SPON1: variants seen among roughly 807,000 people sequenced by gnomAD.
The protein encoded by SPON1 is spondin 1.
A neutral mutation model predicts 111.7 loss-of-function variants in SPON1; 52 were observed. The observed-to-expected ratio is 0.47, with a 90% CI of 0.37 to 0.59. SPON1 has a LOEUF of 0.59. Ranked by LOEUF, SPON1 falls within the 20% of genes least tolerant of loss-of-function variation. The pLI is 0.00. For missense variants in SPON1, 957 were observed against 1,068.5 expected (o/e 0.90, Z 1.46); for synonymous variants, 410 against 395.8 (o/e 1.04, Z -0.43).
At chr11:14,170,365 A>G (rs1431738296) in intron 6 of SPON1, among the ~76,000 whole-genome samples, 1 of 152,150 alleles carries the variant, frequency 6.6e-6, no homozygotes, top group African/African-American at 2.4e-5. Context: ...GACTTTGCTG[A>G]AGTTGCTTAT....
At chr11:14,043,651 A>T (rs1476102176) in intron 3 of SPON1, among the ~76,000 whole-genome samples, 1 of 152,172 alleles carries the variant, frequency 6.6e-6, no homozygotes, top group African/African-American at 2.4e-5. Context: ...TGAAAATGTC[A>T]GATCTATGTG....
At chr11:14,042,099 C>A (rs1445355872) in intron 3 of SPON1, among the ~76,000 whole-genome samples, 1 of 151,992 alleles carries the variant, frequency 6.6e-6, no homozygotes, top group Non-Finnish European at 1.5e-5. Flanking sequence ...TTCTTCTTTG[C>A]CCATCAAAAT....
chr11:14,110,934 G>T (rs1849222455), intron 5 of SPON1, among the ~76,000 whole-genome samples: 1 of 152,156 alleles, frequency 6.6e-6, no homozygotes, highest in Non-Finnish European at 1.5e-5. Flanking sequence ...ACTATGTTTT[G>T]TTCATGACTG....
intron 6 of SPON1, among the ~76,000 whole-genome samples, chr11:14,148,665 A>G (rs1847753070): frequency 6.6e-6 from 1 of 152,196 alleles, no homozygotes; most frequent in Non-Finnish European, 1.5e-5. Context: ...TCCAAATGCT[A>G]GTGGCAACAC....
chr11:14,047,972 G>GC (rs2133816908), intron 3 of SPON1, among the ~76,000 whole-genome samples: 1 of 152,324 alleles, frequency 6.6e-6, no homozygotes, highest in African/African-American at 2.4e-5. Context: ...AGGTGTGGTG[G>GC]CTCACGCCTG....
chr11:13,974,878 A>G (rs1848090265), intron 1 of SPON1, among the ~76,000 whole-genome samples: 1 of 152,104 alleles, frequency 6.6e-6, no homozygotes, highest in Admixed American at 6.6e-5. Context: ...GCCTTTTATC[A>G]CACCCTTCCT....
intron 6 of SPON1, among the ~76,000 whole-genome samples, chr11:14,172,250 C>T (rs1848112658): frequency 6.6e-6 from 1 of 151,868 alleles, no homozygotes; most frequent in Non-Finnish European, 1.5e-5. Context: ...TATGTAATGG[C>T]TTTCTTTGTC....
chr11:14,247,667 G>C (rs1208755333), intron 7 of SPON1, among the ~76,000 whole-genome samples: 3 of 152,122 alleles, frequency 2.0e-5, no homozygotes, highest in Non-Finnish European at 2.9e-5. Context: ...GTGGAGTAAG[G>C]GGGTGGAGAA....
At chr11:14,069,147 C>G (rs1554920620) in intron 3 of SPON1, among the ~76,000 whole-genome samples, 3 of 152,002 alleles carry the variant, frequency 2.0e-5, no homozygotes, top group Non-Finnish European at 2.9e-5. Context: ...TACTATGTCT[C>G]CCTCTAGTCA....
chr11:14,094,166 T>C (rs1465176330), intron 5 of SPON1, among the ~76,000 whole-genome samples: 6 of 151,050 alleles, frequency 4.0e-5, no homozygotes, highest in African/African-American at 1.5e-4. Flanking sequence ...GAGCCGAGAT[T>C]GTACCACTGC....
intron 2 of SPON1, among the ~76,000 whole-genome samples, chr11:14,030,504 C>G (rs1298317181): frequency 6.6e-6 from 1 of 152,108 alleles, no homozygotes; most frequent in Non-Finnish European, 1.5e-5. Flanking sequence ...CTTCTCAAGT[C>G]TGGAAAGCAC....
chr11:13,970,534 GT>G (rs1454605139), intron 1 of SPON1, among the ~76,000 whole-genome samples: 12 of 152,200 alleles, frequency 7.9e-5, no homozygotes, highest in Admixed American at 7.9e-4. Flanking sequence ...GGTGGGCACA[GT>G]CACAGCAGGA....
At chr11:14,056,705 C>T (rs1040888669) in intron 3 of SPON1, among the ~76,000 whole-genome samples, 8 of 151,908 alleles carry the variant, frequency 5.3e-5, no homozygotes, top group Non-Finnish European at 1.0e-4. Flanking sequence ...CTGGCAAACA[C>T]GGTGAAACCC....
intron 2 of SPON1, among the ~76,000 whole-genome samples, chr11:14,040,264 A>C (rs1362735565): frequency 2.0e-5 from 3 of 152,204 alleles, no homozygotes; most frequent in Non-Finnish European, 4.4e-5. Context: ...CACTGGAAGA[A>C]TGGTTACATA....
At chr11:14,182,689 C>T (rs975775926) in intron 6 of SPON1, among the ~76,000 whole-genome samples, 2 of 152,180 alleles carry the variant, frequency 1.3e-5, no homozygotes, top group African/African-American at 2.4e-5. Flanking sequence ...AAAAGGGATG[C>T]CTTTTTCTTA....
chr11:14,136,236 G>A lies in SPON1; in HGVS notation c.825+668G>A, dbSNP rs138933126. Among the ~76,000 whole-genome samples, 355 of 152,300 alleles carry A rather than the reference G, an allele frequency of 2.3e-3. 1 individual carries two copies. The highest frequency in any genetic ancestry group is 7.7e-3 in the African/African-American group (322 of 41,562). On this transcript the variant is annotated intron_variant, in intron 6 of 15. Coordinates refer to ENST00000576479, the MANE Select transcript of SPON1 (RefSeq NM_006108.4). ...GAGAACCTTGGAAGAAGAGCCACGTGGCTCAGTGGTGGTTTGCTGCAAGAC... is the reference window on the plus strand; with the variant it reads ...GAGAACCTTGGAAGAAGAGCCACGTAGCTCAGTGGTGGTTTGCTGCAAGAC...
chr11:13,989,014 T>C (rs1014669125), intron 2 of SPON1, among the ~76,000 whole-genome samples: 4 of 152,192 alleles, frequency 2.6e-5, no homozygotes, highest in Admixed American at 1.3e-4. Flanking sequence ...ATTTTCTTTT[T>C]TTGTTCTGTC....
intron 6 of SPON1, among the ~76,000 whole-genome samples, chr11:14,159,909 G>A (rs1426159599): frequency 2.2e-5 from 3 of 138,036 alleles, no homozygotes; most frequent in Non-Finnish European, 4.7e-5. Context: ...GGGGTGGGAG[G>A]TGGGGGGGAT....
At chr11:14,013,675 A>G (rs1848422467) in intron 2 of SPON1, among the ~76,000 whole-genome samples, 2 of 152,274 alleles carry the variant, frequency 1.3e-5, no homozygotes, top group South Asian at 4.1e-4. Flanking sequence ...TACATTGCCA[A>G]TTGAGCAATC....
Sources: allele counts gnomAD v4.1 joint callset (sites outside exome capture counted in the v4.1 genomes callset), GRCh38; gene constraint gnomAD v4.1.1; transcripts MANE v1.5; gene names NCBI Gene and HGNC (gene_info 2026-07-23, HGNC 2026-07-21).